The following TEX9 variants were observed in gnomAD, a reference collection of about 807,000 sequenced individuals.
The protein encoded by TEX9 is testis-expressed protein 9.
Under a neutral mutation model 59.6 loss-of-function variants are expected in TEX9, and 74 were observed. The ratio of observed to expected loss-of-function variants is 1.24; its 90% CI spans 1.03 to 1.51. The LOEUF is 1.51. Among genes scored for constraint, TEX9 ranks in the 40% most tolerant of loss-of-function variants. The pLI, the probability that TEX9 is intolerant of heterozygous loss-of-function variation, is 0.00. For synonymous variants in TEX9, 186 were observed against 152.2 expected (o/e 1.22, Z -1.64); for missense variants, 522 against 447.8 (o/e 1.17, Z -1.49).
At chr15:56,300,084 G>A (rs1324916766) in intron 1 of TEX9, among the ~76,000 whole-genome samples, 1 of 152,122 alleles carries the variant, frequency 6.6e-6, no homozygotes, top group African/African-American at 2.4e-5. Flanking sequence ...CCCAGTTCCA[G>A]TCCTTCACTC....
At chr15:56,381,582 C>T (rs1488758898) in intron 3 of TEX9, among the ~76,000 whole-genome samples, 1 of 152,174 alleles carries the variant, frequency 6.6e-6, no homozygotes, top group East Asian at 1.9e-4. Context: ...GGGCCCCCTG[C>T]CCAATATCAC....
rs1258829143 is a variant in TEX9 at position 56,316,089 on chromosome 15, G to C, written c.-106-57352G>C. ...CAAAGTTTTCAACTTCTTTGCCTTT[G>C]GTTTGAATATCCTCCCGTAGCTCAG... On this transcript the variant is annotated intron_variant, in intron 1 of 5. Coordinates refer to the TEX9 transcript ENST00000560827. 1.4e-5 allele frequency among the ~76,000 whole-genome samples: 2 copies of C among 147,706 alleles called. 1 individual carries two copies. The highest frequency in any genetic ancestry group is 3.0e-5 in the Non-Finnish European group (2 of 66,436).
intron 1 of TEX9, among the ~76,000 whole-genome samples, chr15:56,328,525 C>G (rs1199658537): frequency 6.6e-6 from 1 of 152,170 alleles, no homozygotes; most frequent in African/African-American, 2.4e-5. Context: ...ATTTCTCAAA[C>G]TGCTTTGGGC....
chr15:56,296,300 A>G (rs1039009269), intron 1 of TEX9, among the ~76,000 whole-genome samples: 3 of 152,152 alleles, frequency 2.0e-5, no homozygotes, highest in African/African-American at 7.2e-5. Context: ...CATTCATTCT[A>G]GTTTGTTACT....
intron 1 of TEX9, among the ~76,000 whole-genome samples, chr15:56,340,534 C>T (rs1189220847): frequency 4.6e-5 from 7 of 152,092 alleles, no homozygotes; most frequent in African/African-American, 1.7e-4. Context: ...AAATCCATCT[C>T]TGCTTATGAG....
At chr15:56,294,155 T>C (rs2045164153) in intron 1 of TEX9, among the ~76,000 whole-genome samples, 1 of 152,182 alleles carries the variant, frequency 6.6e-6, no homozygotes, top group South Asian at 2.1e-4. Context: ...CTAGTGCATA[T>C]GATTGGAGCT....
intron 10 of TEX9, among the ~76,000 whole-genome samples, chr15:56,415,619 A>T (rs544928192): frequency 4.0e-5 from 6 of 151,714 alleles, no homozygotes; most frequent in Admixed American, 3.9e-4. Flanking sequence ...CTGTTTTTGT[A>T]CCATGTGCTG....
intron 1 of TEX9, among the ~76,000 whole-genome samples, chr15:56,292,112 CAT>C (rs1467891726): frequency 2.0e-5 from 3 of 152,198 alleles, no homozygotes; most frequent in South Asian, 4.1e-4. Flanking sequence ...CTATGTTCCC[CAT>C]AGTTAGGATA....
chr15:56,402,527 G>C (rs892016198), intron 9 of TEX9, among the ~76,000 whole-genome samples: 15 of 152,190 alleles, frequency 9.9e-5, no homozygotes, highest in Non-Finnish European at 1.9e-4. Context: ...TCCAGAACCA[G>C]ATGGATTCAC....
At chr15:56,314,223 C>T (rs2045698911) in intron 1 of TEX9, among the ~76,000 whole-genome samples, 2 of 88,004 alleles carry the variant, frequency 2.3e-5, no homozygotes, top group African/African-American at 4.1e-5. Context: ...GCTTTTCTAG[C>T]TCTTTTAATT....
chr15:56,452,657 T>TAC, the TEX9 span, among the ~76,000 whole-genome samples: 43 of 152,110 alleles, frequency 2.8e-4, no homozygotes, highest in African/African-American at 9.6e-4. Context: ...TAGCTGGGAC[T>TAC]ACAGGCGTGT....
At chr15:56,455,342 C>T in the TEX9 span, among the ~76,000 whole-genome samples, 2 of 149,376 alleles carry the variant, frequency 1.3e-5, no homozygotes, top group Non-Finnish European at 3.0e-5. Flanking sequence ...GAACAATAAG[C>T]AGATTTTAAC....
the TEX9 span, among the ~76,000 whole-genome samples, chr15:56,458,855 A>C: frequency 2.0e-5 from 3 of 152,194 alleles, no homozygotes; most frequent in Non-Finnish European, 4.4e-5. Context: ...TATCTACTGA[A>C]GGACATCTTG....
At chr15:56,287,394 ATTTAT>A (rs1435836116) in intron 1 of TEX9, among the ~76,000 whole-genome samples, 1 of 152,128 alleles carries the variant, frequency 6.6e-6, no homozygotes, top group African/African-American at 2.4e-5. Context: ...TAAAAAAATT[ATTTAT>A]TTTAATAGAC....
chr15:56,285,661 C>A (rs904327293), intron 1 of TEX9, among the ~76,000 whole-genome samples: 11 of 152,136 alleles, frequency 7.2e-5, no homozygotes, highest in African/African-American at 2.7e-4. Flanking sequence ...CTTCAGTACT[C>A]TTAAGGAAAT....
At chr15:56,346,310 G>A (rs1470806500) in intron 1 of TEX9, among the ~76,000 whole-genome samples, 1 of 152,156 alleles carries the variant, frequency 6.6e-6, no homozygotes, top group Non-Finnish European at 1.5e-5. Context: ...TTCAGAGGAG[G>A]AGGTGGGTTA....
intron 3 of TEX9, chr15:56,374,587 A>G (rs972977658): frequency 2.0e-5 from 3 of 152,198 alleles, no homozygotes; most frequent in African/African-American, 7.2e-5. Flanking sequence ...GTACAATTAA[A>G]TGATTTTGAC....
At chr15:56,432,725 A>G (rs1220484932) in intron 12 of TEX9, among the ~76,000 whole-genome samples, 2 of 152,180 alleles carry the variant, frequency 1.3e-5, no homozygotes, top group Non-Finnish European at 2.9e-5. Flanking sequence ...CTATCCAAGT[A>G]CTAACCAGGC....
At chr15:56,432,690 T>G (rs1478618434) in intron 12 of TEX9, among the ~76,000 whole-genome samples, 1 of 152,190 alleles carries the variant, frequency 6.6e-6, no homozygotes, top group Non-Finnish European at 1.5e-5. Flanking sequence ...TTAGTTGTCT[T>G]GCTAACTTTT....
Sources: allele counts gnomAD v4.1 joint callset (sites outside exome capture counted in the v4.1 genomes callset), GRCh38; gene constraint gnomAD v4.1.1; transcripts MANE v1.5; gene names NCBI Gene and HGNC (gene_info 2026-07-23, HGNC 2026-07-21).